MAP1B: variants seen among roughly 807,000 people sequenced by gnomAD.
MAP1B encodes microtubule-associated protein 1B.
In MAP1B, 12 loss-of-function variants were observed where a neutral mutation model predicts 176.1. The ratio of observed to expected loss-of-function variants is 0.07; its 90% CI spans 0.04 to 0.11. MAP1B has a LOEUF of 0.11. Ranked by LOEUF, MAP1B falls within the 10% of genes least tolerant of loss-of-function variation. The pLI is 1.00. For synonymous variants in MAP1B, 1,044 were observed against 1,135.0 expected, an observed-to-expected ratio of 0.92 and a Z score of 1.61; for missense variants, 2,523 against 2,990.5, an observed-to-expected ratio of 0.84 and a Z score of 3.65.
chr5:72,195,106 A>G lies in MAP1B; in HGVS notation c.1751A>G (p.Glu584Gly), dbSNP rs1747122162. ...AAGCCACCCAAAGTTGAAAGCAAAG[A>G]AAAGGTAATGGTGAAAAAAGACAAG... ...VEKPPKVESKEKVMVKKDKPI... is the reference protein window; with the variant it reads ...VEKPPKVESKGKVMVKKDKPI... Residue 584 changes from glutamate (E) to glycine (G), a missense_variant, in exon 5 of 7, where the codon GAA becomes GGA. Glu to Gly is a moderately conservative substitution (Grantham distance 98). Transcript: ENST00000296755. 1 of 1,613,912 alleles carries G rather than the reference A, an allele frequency of 6.2e-7. No individual in the cohort carries two copies.
At chr5:72,139,643 A>G (rs998437325) in intron 2 of MAP1B, among the ~76,000 whole-genome samples, 2 of 152,228 alleles carry the variant, frequency 1.3e-5, no homozygotes, top group Non-Finnish European at 2.9e-5. Flanking sequence ...GGAAAGGACC[A>G]CAGTTGAGGG....
chr5:72,137,508 C>T (rs1161867389), intron 2 of MAP1B, among the ~76,000 whole-genome samples: 1 of 152,148 alleles, frequency 6.6e-6, no homozygotes, highest in Non-Finnish European at 1.5e-5. Flanking sequence ...ATTTACCTGG[C>T]CAAATCAAGC....
At chr5:72,188,005 C>T (rs1746947747) in intron 4 of MAP1B, among the ~76,000 whole-genome samples, 1 of 152,202 alleles carries the variant, frequency 6.6e-6, no homozygotes, top group Non-Finnish European at 1.5e-5. Flanking sequence ...ACAGTTGGTT[C>T]ATCTTTACCA....
At chr5:72,130,398 T>A (rs982038123) in intron 2 of MAP1B, among the ~76,000 whole-genome samples, 1 of 152,212 alleles carries the variant, frequency 6.6e-6, no homozygotes, top group Non-Finnish European at 1.5e-5. Flanking sequence ...AGCCTTAGAA[T>A]AGTGCCAGGC....
At chr5:72,133,924 C>A (rs1745783569) in intron 2 of MAP1B, among the ~76,000 whole-genome samples, 1 of 152,172 alleles carries the variant, frequency 6.6e-6, no homozygotes, top group South Asian at 2.1e-4. Flanking sequence ...CAAACATTTC[C>A]ATTTTTCTTT....
intron 2 of MAP1B, among the ~76,000 whole-genome samples, chr5:72,123,131 A>G (rs1745561793): frequency 6.6e-6 from 1 of 152,210 alleles, no homozygotes; most frequent in South Asian, 2.1e-4. Flanking sequence ...TCACTTTAAA[A>G]GTGCCAAGTA....
chr5:72,117,652 C>A (rs776580190), intron 2 of MAP1B, among the ~76,000 whole-genome samples: 27 of 152,206 alleles, frequency 1.8e-4, no homozygotes, highest in Non-Finnish European at 2.9e-5. Context: ...CTATCACCTT[C>A]AGTAAGGATT....
At chr5:72,147,275 C>T (rs1372876623) in intron 2 of MAP1B, among the ~76,000 whole-genome samples, 1 of 151,940 alleles carries the variant, frequency 6.6e-6, no homozygotes, top group Non-Finnish European at 1.5e-5. Context: ...GGCCCAAAAT[C>T]TTCTTAAAAA....
intron 2 of MAP1B, among the ~76,000 whole-genome samples, chr5:72,164,498 G>A (rs1054779194): frequency 2.0e-5 from 3 of 152,216 alleles, no homozygotes; most frequent in African/African-American, 7.2e-5. Context: ...AGTTTAAAAA[G>A]GGGCTGATGA....
At chr5:72,178,452 G>T (rs1023855617) in intron 2 of MAP1B, among the ~76,000 whole-genome samples, 6 of 152,188 alleles carry the variant, frequency 3.9e-5, no homozygotes, top group Non-Finnish European at 8.8e-5. Context: ...AGTTACTCCA[G>T]TGTTGAACCT....
chr5:72,195,006 C>A lies in MAP1B; in HGVS notation c.1651C>A (p.Pro551Thr), dbSNP rs1165212355. 2 of 1,613,880 alleles carry A rather than the reference C, an allele frequency of 1.2e-6. No individual in the cohort carries two copies. The highest frequency in any genetic ancestry group is 2.2e-5 in the South Asian group (2 of 91,050). ...AGAAAGTCTGAAGCCAGCCGCAAAA[C>A]CACTTCCTAGCAAATCCGTGCGCAA... The part of the protein sequence containing the change: ...SRESLKPAAK[P>T]LPSKSVRKES... Residue 551 changes from proline to threonine, a missense_variant, in exon 5 of 7, where the codon CCA becomes ACA. By Grantham distance (38) the Pro-to-Thr change is conservative. Around this residue, in one of 4 missense-constraint regions of MAP1B, gnomAD observed 1,925 missense variants for 2,126.0 expected, o/e 0.91. Coordinates refer to ENST00000296755, the MANE Select transcript of MAP1B (RefSeq NM_005909.5).
At chr5:72,167,208 G>T (rs1561304045) in intron 2 of MAP1B, among the ~76,000 whole-genome samples, 1 of 152,086 alleles carries the variant, frequency 6.6e-6, no homozygotes, top group Non-Finnish European at 1.5e-5. Context: ...AAGTCATATG[G>T]AAAATAATTG....
Position 72,141,291 on chromosome 5 carries a change from T to G in MAP1B, c.286+25492T>G, listed in dbSNP as rs1579992059. On this transcript the variant is annotated intron_variant, in intron 2 of 6. Coordinates refer to ENST00000296755, the MANE Select transcript of MAP1B (RefSeq NM_005909.5). ...GTGACACACATCTGAGCATGGCTGGTGGGGCTGACCAGTGGTCACCAGTGC... is the reference window on the plus strand; with the variant it reads ...GTGACACACATCTGAGCATGGCTGGGGGGGCTGACCAGTGGTCACCAGTGC... Among the ~76,000 whole-genome samples the G allele has an allele frequency of 2.0e-5, 3 of 152,216 alleles. No homozygotes were observed. In the South Asian group the frequency reaches 6.2e-4, roughly 31 times the overall value.
At chr5:72,178,925 G>A (rs1325368868) in intron 2 of MAP1B, among the ~76,000 whole-genome samples, 1 of 152,032 alleles carries the variant, frequency 6.6e-6, no homozygotes, top group Non-Finnish European at 1.5e-5. Context: ...AAGACACATA[G>A]GTTCAATTAA....
chr5:72,174,816 G>A (rs1032721319), intron 2 of MAP1B, among the ~76,000 whole-genome samples: 1 of 152,182 alleles, frequency 6.6e-6, no homozygotes, highest in Admixed American at 6.5e-5. Flanking sequence ...ACAGAAGAAA[G>A]TGCTTTGGAA....
intron 2 of MAP1B, among the ~76,000 whole-genome samples, chr5:72,171,589 C>CA (rs1431354900): frequency 1.4e-4 from 21 of 151,800 alleles, no homozygotes; most frequent in African/African-American, 4.6e-4. Context: ...GACCCTCCCT[C>CA]AAAAAAAATT....
At position 72,194,265 on chromosome 5, in the gene MAP1B, G is replaced by A. The variant is rs749063436; in HGVS notation, c.910G>A (p.Val304Met). ...GAAGCTCATCCGACACTTAGACCGA[G>A]TGGACTCCATCCTGCTCACCCACAT... ...FWKLIRHLDR[V>M]DSILLTHIGD... The change falls in exon 5 of 7, where the codon GTG becomes ATG. Residue 304 changes from valine to methionine, a missense_variant. By Grantham distance (21) the Val-to-Met change is conservative. Transcript: ENST00000296755. This position sits in a 1 kb window ranked among gnomAD's most constrained non-coding sequence, Gnocchi z 7.2. 1 of 1,614,186 alleles carries A rather than the reference G, an allele frequency of 6.2e-7. No individual in the cohort carries two copies. Among genetic ancestry groups the A allele is most frequent in the Non-Finnish European group, 8.5e-7 (1 of 1,180,032 alleles).
Position 72,195,872 on chromosome 5 carries a change from C to A in MAP1B, c.2517C>A (p.Asp839Glu). 6.2e-7 allele frequency: 1 copy of A among 1,614,238 alleles called. No homozygotes were observed. Among genetic ancestry groups the A allele is most frequent in the Non-Finnish European group, 8.5e-7 (1 of 1,180,050 alleles). ...LMSSPEDLTKDFEELKAEEVD... is the reference protein window; with the variant it reads ...LMSSPEDLTKEFEELKAEEVD... ...CATCTCCTGAGGATCTAACCAAGGA[C>A]TTTGAAGAGTTAAAGGCTGAAGAGG... is the stretch of plus-strand genomic sequence containing the variant. Residue 839 changes from aspartate (D) to glutamate (E), a missense_variant, in exon 5 of 7, where the codon GAC (aspartate) becomes GAA (glutamate). Asp to Glu is a conservative substitution (Grantham distance 45). Coordinates refer to ENST00000296755, the MANE Select transcript of MAP1B (RefSeq NM_005909.5).
At position 72,197,902 on chromosome 5, in the gene MAP1B, A is replaced by C; in HGVS notation, c.4547A>C (p.Asp1516Ala). The C allele has an allele frequency of 6.2e-7, 1 of 1,614,216 alleles. No homozygotes were observed. The highest frequency in any genetic ancestry group is 8.5e-7 in the Non-Finnish European group (1 of 1,180,028). The change falls in exon 5 of 7, where the codon GAC becomes GCC. Residue 1516 changes from aspartate (D) to alanine (A), a missense_variant. By Grantham distance (126) the Asp-to-Ala change is moderately radical (BLOSUM62 -2). Coordinates refer to ENST00000296755, the MANE Select transcript of MAP1B (RefSeq NM_005909.5). ...DVSQFGSFKE[D>A]TKMSISEGTV... ...AGTCAGTTTGGATCTTTTAAAGAAG[A>C]CACTAAGATGTCCATTTCTGAAGGT...
Sources: allele counts gnomAD v4.1 joint callset (sites outside exome capture counted in the v4.1 genomes callset), GRCh38; gene constraint gnomAD v4.1.1; regional missense constraint gnomAD v4.1.1; non-coding constraint Gnocchi (gnomAD v3.1); transcripts MANE v1.5; gene names NCBI Gene and HGNC (gene_info 2026-07-23, HGNC 2026-07-21).